SUMF1: variants seen among roughly 807,000 people sequenced by gnomAD.
SUMF1 encodes sulfatase modifying factor 1, also known as formylglycine-generating enzyme.
SUMF1 carries 48 observed loss-of-function variants against 47.6 expected under a neutral mutation model. That is an observed-to-expected ratio of 1.01 (90% CI 0.80 to 1.28). SUMF1 has a LOEUF of 1.28. Among genes scored for constraint, SUMF1 ranks in the 50% most tolerant of loss-of-function variants. The pLI is 0.00. For missense variants in SUMF1, 571 were observed against 485.4 expected, an observed-to-expected ratio of 1.18 and a Z score of -1.66; for synonymous variants, 230 against 192.1, an observed-to-expected ratio of 1.20 and a Z score of -1.63.
chr3:4,163,307 CTT>C (rs1694621296), intron 8 of SUMF1, among the ~76,000 whole-genome samples: 1 of 138,592 alleles, frequency 7.2e-6, no homozygotes, highest in Non-Finnish European at 1.5e-5. Flanking sequence ...CTCCTTGCCC[CTT>C]TTTAACCTTC....
At chr3:4,168,461 C>G (rs1471018193) in intron 8 of SUMF1, among the ~76,000 whole-genome samples, 3 of 152,140 alleles carry the variant, frequency 2.0e-5, no homozygotes, top group Non-Finnish European at 4.4e-5. Flanking sequence ...CAAGGTTGGT[C>G]TTCACATCAC....
At chr3:4,229,166 ACT>A (rs1205671877) in intron 8 of SUMF1, 3 of 204,122 alleles carry the variant, frequency 1.5e-5, no homozygotes, top group African/African-American at 7.1e-5. Flanking sequence ...AAATAAACAC[ACT>A]CTGTGTGGCC....
chr3:4,408,982 AG>A, intron 7 of SUMF1, among the ~76,000 whole-genome samples: 1 of 152,298 alleles, frequency 6.6e-6, no homozygotes, highest in East Asian at 1.9e-4. Flanking sequence ...TTAAAAAAAA[AG>A]ATAAAAGTAA....
intron 9 of SUMF1, among the ~76,000 whole-genome samples, chr3:4,045,549 G>T (rs1348805248): frequency 6.6e-6 from 1 of 152,012 alleles, no homozygotes; most frequent in Admixed American, 6.6e-5. Flanking sequence ...CAAAATAAAT[G>T]TAAGGATGTG....
At chr3:4,154,364 C>G (rs1469254853) in intron 8 of SUMF1, among the ~76,000 whole-genome samples, 1 of 151,464 alleles carries the variant, frequency 6.6e-6, no homozygotes, top group African/African-American at 2.5e-5. Context: ...GAATTTCATT[C>G]ATTTTTCATT....
chr3:4,433,402 T>G (rs1457559915), intron 3 of SUMF1, among the ~76,000 whole-genome samples: 1 of 152,218 alleles, frequency 6.6e-6, no homozygotes, highest in East Asian at 1.9e-4. Context: ...TATATTAGGT[T>G]CTCACCTTCC....
At position 4,173,956 on chromosome 3, in the gene SUMF1, A is replaced by T. The variant is rs971145543; in HGVS notation, c.1015-105211T>A. 3.3e-5 allele frequency among the ~76,000 whole-genome samples: 5 copies of T among 152,144 alleles called. No individual in the cohort carries two copies. The East Asian group carries it at 7.7e-4, about 23-fold the overall frequency. On this transcript the variant is annotated intron_variant and NMD_transcript_variant, in intron 8 of 12. Transcript: ENST00000448413. Reference sequence around the variant, plus strand: ...GACAGGTTGATGGGTGTGGCAAACCACCATGGCAGGAGTATACCTATGTAA... The same window carrying T: ...GACAGGTTGATGGGTGTGGCAAACCTCCATGGCAGGAGTATACCTATGTAA...
intron 8 of SUMF1, among the ~76,000 whole-genome samples, chr3:4,152,744 G>A (rs1694365316): frequency 6.6e-6 from 1 of 151,506 alleles, no homozygotes; most frequent in Non-Finnish European, 1.5e-5. Flanking sequence ...GCTGTCCTGA[G>A]GCTAGTAACA....
intron 8 of SUMF1, among the ~76,000 whole-genome samples, chr3:4,352,597 T>C (rs1225723159): frequency 6.6e-6 from 1 of 152,150 alleles, no homozygotes; most frequent in African/African-American, 2.4e-5. Flanking sequence ...GAATCTTCCA[T>C]GACTTGCACC....
chr3:4,101,732 G>A (rs1559471349), intron 8 of SUMF1, among the ~76,000 whole-genome samples: 2 of 152,142 alleles, frequency 1.3e-5, no homozygotes, highest in Non-Finnish European at 2.9e-5. Flanking sequence ...TAGTTCTAGA[G>A]TGGATCCACA....
At chr3:4,237,167 G>A (rs1056331235) in intron 8 of SUMF1, among the ~76,000 whole-genome samples, 6 of 152,088 alleles carry the variant, frequency 3.9e-5, no homozygotes, top group East Asian at 1.9e-4. Context: ...TTGGTGGAGT[G>A]CATGGTAAGA....
At chr3:4,353,013 T>A (rs1241710941) in intron 8 of SUMF1, among the ~76,000 whole-genome samples, 1 of 152,180 alleles carries the variant, frequency 6.6e-6, no homozygotes, top group Non-Finnish European at 1.5e-5. Flanking sequence ...GCTCTCAGGT[T>A]TTTTGGTTTC....
rs372590372 is a variant in SUMF1, at chr3:4,042,036, G to A, written c.1191+26533C>T. The stretch of plus-strand genomic sequence containing the variant: ...AAATAGCATTCAAAGTATACTAGGA[G>A]AAAATTACAGTCAAGTTTGAGTCAA... On this transcript the variant is annotated intron_variant and NMD_transcript_variant, in intron 9 of 12. Transcript: ENST00000448413. Among the ~76,000 whole-genome samples, 3 of 152,262 alleles carry A rather than the reference G, an allele frequency of 2.0e-5. No homozygotes were observed. In the East Asian group the frequency reaches 5.8e-4, roughly 29 times the overall value.
chr3:4,279,848 C>T (rs1042626670), intron 8 of SUMF1, among the ~76,000 whole-genome samples: 2 of 151,980 alleles, frequency 1.3e-5, no homozygotes, highest in African/African-American at 4.8e-5. Flanking sequence ...ATTAGTGTAC[C>T]AGATGGCATA....
intron 8 of SUMF1, among the ~76,000 whole-genome samples, chr3:4,165,000 G>C (rs546562919): frequency 1.3e-5 from 2 of 152,180 alleles, no homozygotes; most frequent in Non-Finnish European, 1.5e-5. Flanking sequence ...CTAGAACACA[G>C]GTCAGCAGAT....
At chr3:4,415,993 T>C (rs1187796258) in intron 6 of SUMF1, among the ~76,000 whole-genome samples, 2 of 152,144 alleles carry the variant, frequency 1.3e-5, no homozygotes, top group African/African-American at 4.8e-5. Flanking sequence ...TTGCAAGAAA[T>C]AAATTTCTGT....
intron 8 of SUMF1, among the ~76,000 whole-genome samples, chr3:4,351,740 C>A (rs916843048): frequency 7.9e-4 from 120 of 152,214 alleles, no homozygotes; most frequent in Non-Finnish European, 1.3e-3. Context: ...AATGTGTAGT[C>A]GTAGCCTCGG....
rs77906466 is a variant in SUMF1 at position 4,040,247 on chromosome 3, T to A, written c.1191+28322A>T. Among the ~76,000 whole-genome samples the A allele has an allele frequency of 3.9e-3, 601 of 152,232 alleles. 6 individuals carry two copies. Among genetic ancestry groups the A allele is most frequent in the African/African-American group, 0.013 (546 of 41,540 alleles). ...CTTCAATAAAGCTTGGGAAAATAAATAAAACAACAGGTCAAATTATGTACC... is the reference window on the plus strand; with the variant it reads ...CTTCAATAAAGCTTGGGAAAATAAAAAAAACAACAGGTCAAATTATGTACC... On this transcript the variant is annotated intron_variant and NMD_transcript_variant, in intron 9 of 12. Coordinates refer to the SUMF1 transcript ENST00000448413.
At chr3:4,269,110 T>C (rs1255361700) in intron 8 of SUMF1, among the ~76,000 whole-genome samples, 1 of 152,214 alleles carries the variant, frequency 6.6e-6, no homozygotes. Flanking sequence ...CATACTGCTG[T>C]ACAGCAAAAA....
Sources: gnomAD v4.1 joint callset for allele counts (sites outside exome capture counted in the v4.1 genomes callset) on GRCh38, gnomAD v4.1.1 for gene constraint, MANE v1.5 for transcripts, NCBI Gene and HGNC (gene_info 2026-07-23, HGNC 2026-07-21) for gene names.